Variants in GPR158 observed in about 807,000 individuals in gnomAD.
GPR158 encodes G protein-coupled receptor 158.
GPR158 carries 30 observed loss-of-function variants against 78.2 expected under a neutral mutation model. That is an observed-to-expected ratio of 0.38 (90% CI 0.29 to 0.52). The LOEUF (loss-of-function observed/expected upper bound fraction) is 0.52, where lower values mean the gene tolerates loss of function less well. Ranked by LOEUF, GPR158 falls within the 20% of genes least tolerant of loss-of-function variation. The pLI is 0.83. For missense variants in GPR158, 1,463 were observed against 1,523.5 expected (o/e 0.96, Z 0.66); for synonymous variants, 581 against 591.1 (o/e 0.98, Z 0.25).
At chr10:25,179,434 T>C (rs1378991306) in intron 1 of GPR158, among the ~76,000 whole-genome samples, 1 of 152,194 alleles carries the variant, frequency 6.6e-6, no homozygotes, top group Non-Finnish European at 1.5e-5. Context: ...AGGTCTTACT[T>C]ACAAGATTCA....
At chr10:25,217,466 T>G (rs1005238066) in intron 1 of GPR158, among the ~76,000 whole-genome samples, 1 of 152,188 alleles carries the variant, frequency 6.6e-6, no homozygotes, top group African/African-American at 2.4e-5. Context: ...ATGATTTTGT[T>G]TTTCTTAAAG....
intron 2 of GPR158, among the ~76,000 whole-genome samples, chr10:25,385,177 T>C (rs545386913): frequency 6.6e-6 from 1 of 152,146 alleles, no homozygotes; most frequent in South Asian, 2.1e-4. Flanking sequence ...TCTATGAGTT[T>C]ATCTACTTCA....
At chr10:25,323,296 A>C (rs1419026437) in intron 2 of GPR158, among the ~76,000 whole-genome samples, 1 of 152,104 alleles carries the variant, frequency 6.6e-6, no homozygotes, top group African/African-American at 2.4e-5. Flanking sequence ...TAATGGCCTT[A>C]GGGTTTTCAG....
Position 25,572,874 on chromosome 10 carries a change from C to T in GPR158, c.1740C>T (p.Tyr580=), listed in dbSNP as rs928009135. Residue 580 remains tyrosine (Y), a synonymous_variant, in exon 7 of 11, where the codon TAC becomes TAT. Coordinates refer to ENST00000376351, the MANE Select transcript of GPR158 (RefSeq NM_020752.3). ...FNMCLIDRWD[Y]MTAVAEFLFL... is the part of the protein sequence containing the mutation. Reference sequence around the variant, plus strand: ...TGTGCCTCATTGACCGCTGGGACTACATGACAGCAGTTGGTATGTGGTCAC... The same window carrying T: ...TGTGCCTCATTGACCGCTGGGACTATATGACAGCAGTTGGTATGTGGTCAC... 10 of 1,591,936 alleles carry T rather than the reference C, an allele frequency of 6.3e-6. No individual in the cohort carries two copies. The highest frequency in any genetic ancestry group is 2.7e-5 in the African/African-American group (2 of 74,458).
chr10:25,356,009 G>C (rs1399703805), intron 2 of GPR158, among the ~76,000 whole-genome samples: 1 of 152,004 alleles, frequency 6.6e-6, no homozygotes. Context: ...TCTTCCTCAG[G>C]AACTCCCAAT....
chr10:25,562,600 T>A (rs138406547), intron 6 of GPR158, among the ~76,000 whole-genome samples: 1 of 152,234 alleles, frequency 6.6e-6, no homozygotes, highest in Non-Finnish European at 1.5e-5. Flanking sequence ...CCTTCTGTTA[T>A]TGATTTCTAA....
At chr10:25,550,798 G>C (rs1836716386) in intron 5 of GPR158, among the ~76,000 whole-genome samples, 178 bp from the exon 6 acceptor site, 1 of 152,092 alleles carries the variant, frequency 6.6e-6, no homozygotes, top group Non-Finnish European at 1.5e-5. Context: ...ATAAGCAGTA[G>C]GGAGACTGTG....
intron 2 of GPR158, among the ~76,000 whole-genome samples, chr10:25,297,350 T>G (rs12242545): frequency 0.043 from 6,505 of 152,264 alleles, 237 homozygotes; most frequent in African/African-American, 0.099. Context: ...GGTTTGACAT[T>G]GGTCTTAAAT....
At chr10:25,344,441 A>G (rs1159326388) in intron 2 of GPR158, among the ~76,000 whole-genome samples, 2 of 151,920 alleles carry the variant, frequency 1.3e-5, no homozygotes, top group African/African-American at 4.8e-5. Flanking sequence ...ATGTTCAAGT[A>G]TATGGTATGC....
chr10:25,530,611 G>A (rs2130692903), intron 5 of GPR158, among the ~76,000 whole-genome samples: 1 of 152,306 alleles, frequency 6.6e-6, no homozygotes, highest in South Asian at 2.1e-4. Context: ...AACAAACAAA[G>A]CTGATCCATT....
chr10:25,219,175 C>T (rs983285990), intron 1 of GPR158, among the ~76,000 whole-genome samples: 2 of 152,202 alleles, frequency 1.3e-5, no homozygotes, highest in African/African-American at 2.4e-5. Context: ...TGAAGCCCTA[C>T]GTTACTCCAA....
At chr10:25,372,442 A>G (rs1230085288) in intron 2 of GPR158, among the ~76,000 whole-genome samples, 1 of 144,730 alleles carries the variant, frequency 6.9e-6, no homozygotes, top group Non-Finnish European at 1.5e-5. Flanking sequence ...ACAATAACAA[A>G]GACTTGGAAC....
chr10:25,408,762 C>G (rs1834548895), intron 3 of GPR158, among the ~76,000 whole-genome samples: 1 of 152,064 alleles, frequency 6.6e-6, no homozygotes, highest in Non-Finnish European at 1.5e-5. Flanking sequence ...TCAAATTGCT[C>G]TTGGCCTTAT....
At chr10:25,444,395 TGTC>T (rs1455409805) in intron 4 of GPR158, among the ~76,000 whole-genome samples, 1 of 149,300 alleles carries the variant, frequency 6.7e-6, no homozygotes, top group Non-Finnish European at 1.5e-5. Flanking sequence ...TGTATGGGGG[TGTC>T]GTGTATGTGG....
chr10:25,351,094 C>T lies in GPR158; in HGVS notation c.1009-44817C>T, dbSNP rs181661897. Among the ~76,000 whole-genome samples, 752 of 152,010 alleles carry T rather than the reference C, an allele frequency of 4.9e-3. 7 individuals carry two copies. The highest frequency in any genetic ancestry group is 0.017 in the African/African-American group (705 of 41,500). On this transcript the variant is annotated intron_variant, in intron 2 of 10. Coordinates refer to ENST00000376351, the MANE Select transcript of GPR158 (RefSeq NM_020752.3). Reference sequence around the variant, plus strand: ...GGTGACACCTATACAGCCTGTGAGCCTGAACGCGTGGCTATTTATAGAGAA... The same window carrying T: ...GGTGACACCTATACAGCCTGTGAGCTTGAACGCGTGGCTATTTATAGAGAA...
chr10:25,208,602 G>GTGTA (rs1256530050), intron 1 of GPR158, among the ~76,000 whole-genome samples: 5 of 140,606 alleles, frequency 3.6e-5, no homozygotes, highest in African/African-American at 1.1e-4. Context: ...GTGTGTGTGT[G>GTGTA]TGTATTAGAA....
chr10:25,346,902 C>G (rs929694297), intron 2 of GPR158, among the ~76,000 whole-genome samples: 9 of 152,016 alleles, frequency 5.9e-5, no homozygotes, highest in South Asian at 2.1e-4. Context: ...CAGATGTATC[C>G]AAGTTCAAAA....
At chr10:25,285,901 A>G (rs1854344404) in intron 2 of GPR158, among the ~76,000 whole-genome samples, 1 of 152,120 alleles carries the variant, frequency 6.6e-6, no homozygotes, top group South Asian at 2.1e-4. Flanking sequence ...CACTGGCTAT[A>G]AAATTCTGGG....
chr10:25,222,095 G>T (rs531688945), intron 2 of GPR158, among the ~76,000 whole-genome samples: 1 of 152,202 alleles, frequency 6.6e-6, no homozygotes, highest in African/African-American at 2.4e-5. Flanking sequence ...CAAATGCACA[G>T]ACAGTTGCAC....
Sources: gnomAD v4.1 joint callset for allele counts (sites outside exome capture counted in the v4.1 genomes callset) on GRCh38, gnomAD v4.1.1 for gene constraint, MANE v1.5 for transcripts, NCBI Gene and HGNC (gene_info 2026-07-23, HGNC 2026-07-21) for gene names.